The following RGS6 variants were observed in gnomAD, a reference collection of about 807,000 sequenced individuals.
RGS6 encodes regulator of G-protein signaling 6.
A neutral mutation model predicts 78.5 loss-of-function variants in RGS6; 30 were observed. The ratio of observed to expected loss-of-function variants is 0.38; its 90% CI spans 0.29 to 0.52. The LOEUF (loss-of-function observed/expected upper bound fraction) is 0.52. Ranked by LOEUF, RGS6 falls within the 20% of genes least tolerant of loss-of-function variation. The probability of loss-of-function intolerance (pLI) is 0.85; values close to 1 mark genes in which losing one functional copy is unlikely to be tolerated. For synonymous variants in RGS6, 206 were observed against 206.0 expected (o/e 1.00, Z 0.00); for missense variants, 495 against 609.7 (o/e 0.81, Z 1.98).
intron 13 of RGS6, among the ~76,000 whole-genome samples, chr14:72,509,818 C>A (rs893839229): frequency 1.3e-5 from 2 of 152,038 alleles, no homozygotes; most frequent in Non-Finnish European, 2.9e-5. Context: ...GGTTATAGTA[C>A]TAGTGAAAAA....
At chr14:72,340,462 C>T (rs772006456) in intron 2 of RGS6, among the ~76,000 whole-genome samples, 15 of 152,242 alleles carry the variant, frequency 9.9e-5, no homozygotes, top group Non-Finnish European at 1.8e-4. Flanking sequence ...GCAGCAGAAG[C>T]AGCCCTCAGG....
chr14:72,024,308 C>G (rs751403057), intron 2 of RGS6, among the ~76,000 whole-genome samples: 13 of 152,174 alleles, frequency 8.5e-5, no homozygotes, highest in Non-Finnish European at 1.6e-4. Context: ...TTGTTCCTAA[C>G]GTTGAATGTG....
chr14:72,041,492 G>A (rs1420466499), intron 2 of RGS6, among the ~76,000 whole-genome samples: 1 of 152,178 alleles, frequency 6.6e-6, no homozygotes, highest in Non-Finnish European at 1.5e-5. Context: ...GTTAGAGTCT[G>A]TGTTAAGCAA....
intron 7 of RGS6, 63 bp from the exon 8 acceptor site, chr14:72,469,944 T>C (rs1597974973): frequency 2.6e-6 from 3 of 1,159,330 alleles, no homozygotes; most frequent in East Asian, 4.7e-5. Context: ...ATAATAAGCA[T>C]AGGTGTCGAT....
At chr14:72,251,374 T>C (rs1194609048) in intron 2 of RGS6, among the ~76,000 whole-genome samples, 1 of 152,162 alleles carries the variant, frequency 6.6e-6, no homozygotes, top group Non-Finnish European at 1.5e-5. Context: ...TTACAATTCT[T>C]TTAGAAAAAG....
At chr14:72,467,601 T>G (rs189046804) in intron 7 of RGS6, among the ~76,000 whole-genome samples, 4 of 152,214 alleles carry the variant, frequency 2.6e-5, no homozygotes, top group East Asian at 3.9e-4. Context: ...ACCTCTTTGA[T>G]CCCACTGGCA....
chr14:72,213,640 A>G (rs1378070993), intron 2 of RGS6, among the ~76,000 whole-genome samples: 1 of 152,100 alleles, frequency 6.6e-6, no homozygotes, highest in Admixed American at 6.6e-5. Flanking sequence ...TTGGCTGCAA[A>G]CAAATCTTTC....
At chr14:72,622,428 G>C in the RGS6 span, among the ~76,000 whole-genome samples, 1 of 152,110 alleles carries the variant, frequency 6.6e-6, no homozygotes, top group Non-Finnish European at 1.5e-5. Flanking sequence ...TTGATTTAGG[G>C]ATAATACAAG....
intron 3 of RGS6, among the ~76,000 whole-genome samples, chr14:72,414,923 A>G (rs1333800371): frequency 6.6e-6 from 1 of 152,150 alleles, no homozygotes; most frequent in African/African-American, 2.4e-5. Flanking sequence ...GTTTTGTCTC[A>G]GGGGAGTACC....
chr14:71,916,450 T>C, the RGS6 span, among the ~76,000 whole-genome samples: 1 of 151,546 alleles, frequency 6.6e-6, no homozygotes, highest in South Asian at 2.1e-4. Context: ...CTGTGCTTTA[T>C]AAATCCAGGT....
intron 16 of RGS6, among the ~76,000 whole-genome samples, chr14:72,537,078 G>C (rs959001401): frequency 6.6e-6 from 1 of 152,148 alleles, no homozygotes; most frequent in Non-Finnish European, 1.5e-5. Context: ...AGGGCTCCTG[G>C]TTTCAGTACA....
At chr14:72,380,861 T>G (rs1317781619) in intron 3 of RGS6, among the ~76,000 whole-genome samples, 1 of 152,086 alleles carries the variant, frequency 6.6e-6, no homozygotes, top group African/African-American at 2.4e-5. Context: ...CAAAGGGACA[T>G]CTACACCCCC....
At chr14:72,273,184 A>C (rs7342518) in intron 2 of RGS6, among the ~76,000 whole-genome samples, 1 of 152,156 alleles carries the variant, frequency 6.6e-6, no homozygotes, top group East Asian at 1.9e-4. Flanking sequence ...GGGTTCACAT[A>C]TAATTGAAAG....
intron 2 of RGS6, among the ~76,000 whole-genome samples, chr14:72,323,961 A>C (rs1439671871): frequency 6.6e-6 from 1 of 151,930 alleles, no homozygotes; most frequent in Admixed American, 6.6e-5. Context: ...TTTGATACAG[A>C]CATACAATAT....
chr14:71,986,193 A>G (rs1191839378), intron 2 of RGS6, among the ~76,000 whole-genome samples: 1 of 151,910 alleles, frequency 6.6e-6, no homozygotes, highest in Non-Finnish European at 1.5e-5. Flanking sequence ...TCAACCTTCC[A>G]TTTTGTGCCT....
intron 2 of RGS6, among the ~76,000 whole-genome samples, chr14:72,091,508 T>C (rs1437581929): frequency 6.6e-6 from 1 of 152,176 alleles, no homozygotes; most frequent in Non-Finnish European, 1.5e-5. Flanking sequence ...TGGCTCCATG[T>C]TCCTGTGACT....
chr14:71,948,112 TACTC>T (rs1330350626), intron 1 of RGS6, among the ~76,000 whole-genome samples: 1 of 152,214 alleles, frequency 6.6e-6, no homozygotes, highest in Non-Finnish European at 1.5e-5. Flanking sequence ...TCAGCACTCT[TACTC>T]AACACCTTGT....
chr14:72,020,927 A>G (rs1028691038), intron 2 of RGS6, among the ~76,000 whole-genome samples: 4 of 152,178 alleles, frequency 2.6e-5, no homozygotes, highest in Non-Finnish European at 5.9e-5. Flanking sequence ...TGCATGATGA[A>G]CTGGTCAAGG....
chr14:71,960,881 C>A (rs1645066877), intron 1 of RGS6, among the ~76,000 whole-genome samples: 1 of 152,194 alleles, frequency 6.6e-6, no homozygotes. Flanking sequence ...TACTCTGTGC[C>A]ATCATAATTG....
Sources: allele counts gnomAD v4.1 joint callset (sites outside exome capture counted in the v4.1 genomes callset), GRCh38; gene constraint gnomAD v4.1.1; transcripts MANE v1.5; gene names NCBI Gene and HGNC (gene_info 2026-07-23, HGNC 2026-07-21).